ERI3: variants seen among roughly 807,000 people sequenced by gnomAD.
ERI3 encodes the protein ERI1 exoribonuclease family member 3, also known as ERI1 exoribonuclease 3.
A neutral mutation model predicts 44.4 loss-of-function variants in ERI3; 18 were observed. The ratio of observed to expected loss-of-function variants is 0.41; its 90% confidence interval spans 0.28 to 0.60. The LOEUF is 0.60. ERI3 is among the 20% of genes least tolerant of loss of function. The pLI is 0.36. For synonymous variants in ERI3, 183 were observed against 164.8 expected, an observed-to-expected ratio of 1.11 and a Z score of -0.84; for missense variants, 294 against 435.5, an observed-to-expected ratio of 0.68 and a Z score of 2.89.
chr1:44,319,327 G>A (rs1470870041), intron 4 of ERI3, among the ~76,000 whole-genome samples: 1 of 152,234 alleles, frequency 6.6e-6, no homozygotes, highest in African/African-American at 2.4e-5. Flanking sequence ...AAGGAAAACT[G>A]AACTGGAAAG....
At chr1:44,226,792 C>CACACAT (rs1215853867) in intron 8 of ERI3, among the ~76,000 whole-genome samples, 5 of 151,210 alleles carry the variant, frequency 3.3e-5, no homozygotes, top group African/African-American at 4.9e-5. Context: ...CACACACACA[C>CACACAT]ACACACACAC....
At chr1:44,342,595 AAG>A (rs1646676885) in intron 2 of ERI3, among the ~76,000 whole-genome samples, 1 of 151,046 alleles carries the variant, frequency 6.6e-6, no homozygotes, top group African/African-American at 2.4e-5. Flanking sequence ...CTATTTAAGG[AAG>A]AGCCAGGGAG....
At chr1:44,283,374 A>C (rs543259969) in intron 7 of ERI3, among the ~76,000 whole-genome samples, 187 of 152,354 alleles carry the variant, frequency 1.2e-3, no homozygotes, top group Middle Eastern at 3.4e-3. Context: ...ACATGGATTC[A>C]GTTTCAACTG....
chr1:44,323,834 TG>T (rs1365066389), intron 3 of ERI3, among the ~76,000 whole-genome samples: 1 of 152,124 alleles, frequency 6.6e-6, no homozygotes, highest in Admixed American at 6.6e-5. Flanking sequence ...AACTCCAAAA[TG>T]GGAAAATGAG....
Position 44,228,552 on chromosome 1 carries a change from TG to T in ERI3, c.932-6913del, listed in dbSNP as rs1644101340. Among the ~76,000 whole-genome samples, 1 of 152,190 alleles carries T rather than the reference TG, an allele frequency of 6.6e-6. No homozygotes were observed. The highest frequency in any genetic ancestry group is 2.4e-5 in the African/African-American group (1 of 41,438). ...TCCTCATAAAGTGTTTATTAAGCGC[TG>T]GTAAAGCTGGGATAATGATGTGTTT... On this transcript the variant is annotated intron_variant, in intron 8 of 8. Coordinates refer to ENST00000372257, the MANE Select transcript of ERI3 (RefSeq NM_024066.3). The surrounding 1 kb of genome is among the most constrained non-coding windows in gnomAD (Gnocchi z 4.3).
intron 7 of ERI3, among the ~76,000 whole-genome samples, chr1:44,249,769 G>A (rs974048216): frequency 7.9e-5 from 12 of 152,282 alleles, no homozygotes; most frequent in African/African-American, 2.6e-4. Context: ...ATAGCCAGAG[G>A]AGCCGCTGAG....
In ERI3 at chr1:44,252,875, C is replaced by T. The variant is rs528913720; in HGVS notation, c.832-4837G>A. ...GCTGCAGACAGAATAGGCTGCTCTG[C>T]AACTTTCAGAAAAACCAGAGTTTTG... On this transcript the variant is annotated intron_variant, in intron 7 of 8. Coordinates refer to ENST00000372257, the MANE Select transcript of ERI3 (RefSeq NM_024066.3). The surrounding 1 kb of genome is among the most constrained non-coding windows in gnomAD (Gnocchi z 4.7). Among the ~76,000 whole-genome samples the T allele has an allele frequency of 2.2e-4, 34 of 152,316 alleles. No individual in the cohort carries two copies. In the South Asian group the frequency reaches 7.0e-3, roughly 32 times the overall value.
At chr1:44,278,715 T>A (rs1204255127) in intron 7 of ERI3, among the ~76,000 whole-genome samples, 1 of 152,134 alleles carries the variant, frequency 6.6e-6, no homozygotes, top group African/African-American at 2.4e-5. Flanking sequence ...TTCTCACACC[T>A]CAGCTTCCCG....
intron 8 of ERI3, among the ~76,000 whole-genome samples, chr1:44,223,385 GA>G (rs1008857773): frequency 1.1e-4 from 17 of 152,244 alleles, no homozygotes; most frequent in Middle Eastern, 3.4e-3. Context: ...AGGGGCCTAA[GA>G]GGGGGAAGGG....
intron 7 of ERI3, among the ~76,000 whole-genome samples, chr1:44,276,236 A>G (rs1195562728): frequency 6.6e-6 from 1 of 152,228 alleles, no homozygotes; most frequent in Non-Finnish European, 1.5e-5. Flanking sequence ...AAATTTCAAC[A>G]TGAGATCTGG....
rs755560296 is a variant in ERI3 at position 44,240,740 on chromosome 1, T to A, written c.931+7199A>T. 9.9e-5 allele frequency among the ~76,000 whole-genome samples: 15 copies of A among 152,136 alleles called. 1 individual carries two copies. Among genetic ancestry groups the A allele is most frequent in the Non-Finnish European group, 1.9e-4 (13 of 68,008 alleles). On this transcript the variant is annotated intron_variant, in intron 8 of 8. Transcript: ENST00000372257. ...TCAGACCAGACCAAACAAATTCCCC[T>A]CTCTGCAGGCCACAGGCCCCACTTT...
chr1:44,310,435 A>G (rs981897922), intron 5 of ERI3, among the ~76,000 whole-genome samples: 1 of 152,218 alleles, frequency 6.6e-6, no homozygotes, highest in African/African-American at 2.4e-5. Flanking sequence ...TTAATCTCTC[A>G]TTCAGCATAG....
chr1:44,305,434 C>G (rs1351786566), intron 6 of ERI3, among the ~76,000 whole-genome samples: 1 of 152,128 alleles, frequency 6.6e-6, no homozygotes, highest in Non-Finnish European at 1.5e-5. Flanking sequence ...AAAAGTGGGT[C>G]AGGTAGGGAA....
At chr1:44,340,657 T>A (rs1025321538) in intron 2 of ERI3, among the ~76,000 whole-genome samples, 1 of 152,236 alleles carries the variant, frequency 6.6e-6, no homozygotes, top group African/African-American at 2.4e-5. Context: ...TAGTAGGATA[T>A]ACGCTAGTGT....
Position 44,221,431 on chromosome 1 carries a change from A to G in ERI3, c.*127T>C. On this transcript the variant is annotated 3_prime_UTR_variant, in exon 9 of 9. Transcript: ENST00000372257. This position sits in a 1 kb window ranked among gnomAD's most constrained non-coding sequence, Gnocchi z 5.9. ...GCCCACGCCAAGGGCATGAGCCCAC[A>G]GGGCAGCTGGGGACACTCTGGACAC... 1 of 781,504 alleles carries G rather than the reference A, an allele frequency of 1.3e-6. No homozygotes were observed. Among genetic ancestry groups the G allele is most frequent in the Non-Finnish European group, 2.1e-6 (1 of 479,834 alleles). The allele number at this position is 781,504 out of a possible 1,614,324, so 48.4% of individuals were successfully genotyped here.
intron 8 of ERI3, among the ~76,000 whole-genome samples, chr1:44,225,791 G>A (rs1644024095): frequency 1.3e-5 from 2 of 152,216 alleles, no homozygotes; most frequent in Admixed American, 6.5e-5. Flanking sequence ...CAGTGGACAG[G>A]AAGCAGGGCC....
At chr1:44,342,003 C>T (rs1646663796) in intron 2 of ERI3, among the ~76,000 whole-genome samples, 1 of 152,208 alleles carries the variant, frequency 6.6e-6, no homozygotes, top group African/African-American at 2.4e-5. Flanking sequence ...TCCACACTTC[C>T]CTTACTTCTA....
At chr1:44,226,016 G>A (rs1644029809) in intron 8 of ERI3, among the ~76,000 whole-genome samples, 1 of 152,152 alleles carries the variant, frequency 6.6e-6, no homozygotes, top group Non-Finnish European at 1.5e-5. Flanking sequence ...ATGAGAAAAG[G>A]ACGCATGGAA....
chr1:44,296,078 G>A (rs1645604848), intron 6 of ERI3, among the ~76,000 whole-genome samples: 1 of 152,104 alleles, frequency 6.6e-6, no homozygotes, highest in South Asian at 2.1e-4. Context: ...TTGTTAATAG[G>A]CCCTAGATTC....
Sources: allele counts gnomAD v4.1 joint callset (sites outside exome capture counted in the v4.1 genomes callset), GRCh38; gene constraint gnomAD v4.1.1; non-coding constraint Gnocchi (gnomAD v3.1); transcripts MANE v1.5; gene names NCBI Gene and HGNC (gene_info 2026-07-23, HGNC 2026-07-21).